Variants in PEX14 observed in about 807,000 individuals in gnomAD.
The protein encoded by PEX14 is peroxisomal membrane protein PEX14.
Under a neutral mutation model 49.5 loss-of-function variants are expected in PEX14, and 15 were observed. The observed-to-expected ratio is 0.30, with a 90% CI of 0.20 to 0.47. The LOEUF (loss-of-function observed/expected upper bound fraction) is 0.47. Ranked by LOEUF, PEX14 falls within the 20% of genes least tolerant of loss-of-function variation. The pLI is 1.00. For synonymous variants in PEX14, 210 were observed against 212.7 expected (o/e 0.99, Z 0.11); for missense variants, 398 against 494.8 (o/e 0.80, Z 1.86).
At chr1:10,475,106 G>A in intron 1 of PEX14, 104 bp downstream of exon 1, 1 of 1,144,154 alleles carries the variant, frequency 8.7e-7, no homozygotes, top group Non-Finnish European at 1.3e-6. Flanking sequence ...CTCCGAAGCT[G>A]GGGACCCCGA....
At chr1:10,498,737 T>G (rs1163675607) in intron 2 of PEX14, among the ~76,000 whole-genome samples, 1 of 152,214 alleles carries the variant, frequency 6.6e-6, no homozygotes. Context: ...TCTTGAGAAA[T>G]TCTGCAAACT....
intron 3 of PEX14, among the ~76,000 whole-genome samples, chr1:10,537,761 C>A (rs751176735): frequency 2.6e-5 from 4 of 152,084 alleles, no homozygotes; most frequent in Non-Finnish European, 5.9e-5. Context: ...CTCGGCACTT[C>A]CCCACCGCAG....
At chr1:10,488,017 G>C (rs891042643) in intron 1 of PEX14, among the ~76,000 whole-genome samples, 2 of 152,090 alleles carry the variant, frequency 1.3e-5, no homozygotes, top group African/African-American at 4.8e-5. Flanking sequence ...CTGACCTCAA[G>C]TTATCTACCT....
intron 3 of PEX14, among the ~76,000 whole-genome samples, chr1:10,544,663 A>G (rs746670859): frequency 2.6e-5 from 4 of 151,858 alleles, no homozygotes; most frequent in Non-Finnish European, 5.9e-5. Flanking sequence ...GTTTCCTCCT[A>G]CCCCTTGGTA....
rs558614865 is a variant in PEX14, at chr1:10,618,237, C to T, written c.299-95C>T. On this transcript the variant is annotated intron_variant, in intron 4 of 8. Transcript: ENST00000356607. ...TGTTCCACTTGCCCATTGTTGGAGG[C>T]GAGGAGACTGTGCCACTGAGGCACC... 641 of 873,348 alleles carry T rather than the reference C, an allele frequency of 7.3e-4. 4 individuals carry two copies. In the African/African-American group the frequency reaches 9.2e-3, roughly 12 times the overall value. 54.1% of individuals were successfully genotyped at this position (873,348 alleles called of 1,614,324 possible).
In PEX14 at chr1:10,618,713, C is replaced by T. The variant is rs1017375647; in HGVS notation, c.384+296C>T. On this transcript the variant is annotated intron_variant, in intron 5 of 8. Transcript: ENST00000356607. ...CTTGCCAGCCCATGTCAGGCACTTA[C>T]AGTAGTGCCCGCACGGGGAAGCCGT... 3.9e-5 allele frequency among the ~76,000 whole-genome samples: 6 copies of T among 152,354 alleles called. No homozygotes were observed. The East Asian group carries it at 9.7e-4, about 25-fold the overall frequency.
At chr1:10,580,914 C>T (rs938173766) in intron 3 of PEX14, among the ~76,000 whole-genome samples, 5 of 152,014 alleles carry the variant, frequency 3.3e-5, no homozygotes, top group Admixed American at 6.6e-5. Flanking sequence ...TCCCATTTTA[C>T]AGATGAAGGA....
intron 3 of PEX14, among the ~76,000 whole-genome samples, chr1:10,544,398 T>G (rs1639107961): frequency 6.6e-6 from 1 of 152,172 alleles, no homozygotes; most frequent in African/African-American, 2.4e-5. Flanking sequence ...ACGTACTTTC[T>G]GGAGAGGAAG....
At chr1:10,625,464 G>A (rs779986916) in intron 7 of PEX14, among the ~76,000 whole-genome samples, 1 of 152,230 alleles carries the variant, frequency 6.6e-6, no homozygotes, top group African/African-American at 2.4e-5. Context: ...TTTTGCATTT[G>A]CAAAAACCAT....
intron 2 of PEX14, among the ~76,000 whole-genome samples, chr1:10,527,321 A>T (rs1452997182): frequency 6.7e-6 from 1 of 150,006 alleles, no homozygotes; most frequent in Non-Finnish European, 1.5e-5. Flanking sequence ...GATTGAGACC[A>T]TCCTTGCCAA....
At chr1:10,557,300 G>GTTA (rs1188136706) in intron 3 of PEX14, among the ~76,000 whole-genome samples, 1 of 152,186 alleles carries the variant, frequency 6.6e-6, no homozygotes, top group Non-Finnish European at 1.5e-5. Flanking sequence ...AAACCTCAGA[G>GTTA]TTAGGCTGGG....
At chr1:10,556,354 C>T (rs538370838) in intron 3 of PEX14, among the ~76,000 whole-genome samples, 12 of 152,202 alleles carry the variant, frequency 7.9e-5, no homozygotes, top group Non-Finnish European at 1.6e-4. Context: ...GATCCATGCA[C>T]ATCCGTCCCT....
intron 3 of PEX14, among the ~76,000 whole-genome samples, chr1:10,585,891 G>A (rs61776264): frequency 0.057 from 8,740 of 152,260 alleles, 341 homozygotes; most frequent in South Asian, 0.1. Flanking sequence ...GCGAGACTCC[G>A]TCTCAAAACA....
chr1:10,515,452 C>T (rs1454452410), intron 2 of PEX14, among the ~76,000 whole-genome samples: 5 of 152,104 alleles, frequency 3.3e-5, no homozygotes, highest in East Asian at 3.9e-4. Context: ...TCCTAGAACT[C>T]GTGTGTCCCA....
chr1:10,562,781 G>A (rs1639685932), intron 3 of PEX14, among the ~76,000 whole-genome samples: 1 of 152,108 alleles, frequency 6.6e-6, no homozygotes, highest in Non-Finnish European at 1.5e-5. Context: ...CACTATATGA[G>A]TAGCCTGTTT....
At chr1:10,572,761 C>A (rs1640014473) in intron 3 of PEX14, among the ~76,000 whole-genome samples, 1 of 152,250 alleles carries the variant, frequency 6.6e-6, no homozygotes. Context: ...TGGTCTCGAT[C>A]TCCTGACCTC....
chr1:10,539,004 T>C lies in PEX14; in HGVS notation c.169+2707T>C, dbSNP rs1018462338. On this transcript the variant is annotated intron_variant, in intron 3 of 8. Coordinates refer to ENST00000356607, the MANE Select transcript of PEX14 (RefSeq NM_004565.3). This position sits in a 1 kb window ranked among gnomAD's most constrained non-coding sequence, Gnocchi z 4.6. ...TCCTGAAAAGGCAAATCCAATTTTG[T>C]TTTTCTTTTAATATTATTTAATATT... 6.6e-6 allele frequency among the ~76,000 whole-genome samples: 1 copy of C among 152,208 alleles called. No individual in the cohort carries two copies. Among genetic ancestry groups the C allele is most frequent in the Non-Finnish European group, 1.5e-5 (1 of 68,040 alleles).
chr1:10,520,145 C>CTTTTTTTTTTTT (rs1412156646), intron 2 of PEX14, among the ~76,000 whole-genome samples: 1 of 64,448 alleles, frequency 1.6e-5, no homozygotes, highest in Non-Finnish European at 2.9e-5. Flanking sequence ...TGGCCTTCTT[C>CTTTTTTTTTTTT]TTCTTTTTTT....
At chr1:10,612,404 C>T (rs1641299687) in intron 4 of PEX14, among the ~76,000 whole-genome samples, 1 of 152,014 alleles carries the variant, frequency 6.6e-6, no homozygotes, top group African/African-American at 2.4e-5. Context: ...CGGTGTCCTT[C>T]CTGCCTAAAG....
Sources: allele counts gnomAD v4.1 joint callset (sites outside exome capture counted in the v4.1 genomes callset), GRCh38; gene constraint gnomAD v4.1.1; non-coding constraint Gnocchi (gnomAD v3.1); transcripts MANE v1.5; gene names NCBI Gene and HGNC (gene_info 2026-07-23, HGNC 2026-07-21).